The following XG variants were observed in gnomAD, a reference collection of about 807,000 sequenced individuals.
XG encodes the protein Xg glycoprotein (Xg blood group).
XG carries 24 observed loss-of-function variants against 25.7 expected under a neutral mutation model. The ratio of observed to expected loss-of-function variants is 0.93; its 90% CI spans 0.68 to 1.31. XG has a LOEUF of 1.31. XG is among the 40% of genes most tolerant of loss of function. The pLI, the probability that XG is intolerant of heterozygous loss-of-function variation, is 0.00. For missense variants in XG, 181 were observed against 187.6 expected (o/e 0.96, Z 0.21); for synonymous variants, 77 against 69.2 (o/e 1.11, Z -0.56).
At chrX:2,755,316 G>C (rs2050410774) in intron 1 of XG, among the ~76,000 whole-genome samples, 1 of 152,176 alleles carries the variant, frequency 6.6e-6, no homozygotes, top group African/African-American at 2.4e-5. Flanking sequence ...AGCAAGGCTT[G>C]GATTATTCAT....
At chrX:2,786,258 G>GTGTTTTTTTTT (rs1569039363) in intron 4 of XG, among the ~76,000 whole-genome samples, 1 of 26,267 alleles carries the variant, frequency 3.8e-5, no homozygotes, top group Non-Finnish European at 8.6e-5. Context: ...TATCCATGTT[G>GTGTTTTTTTTT]TCTTTTTTTT....
intron 5 of XG, among the ~76,000 whole-genome samples, chrX:2,791,605 C>T (rs1287123988): frequency 9.1e-6 from 1 of 109,476 alleles, no homozygotes; most frequent in African/African-American, 3.3e-5. Context: ...CTCCATACTG[C>T]TTGATATGTT....
At chrX:2,756,723 G>T (rs2050443280) in intron 1 of XG, among the ~76,000 whole-genome samples, 1 of 152,176 alleles carries the variant, frequency 6.6e-6, no homozygotes. Flanking sequence ...CACAGGATGT[G>T]CAACAGGGGT....
chrX:2,809,752 C>T (rs2087036563), intron 9 of XG, among the ~76,000 whole-genome samples: 1 of 111,858 alleles, frequency 8.9e-6, no homozygotes, highest in African/African-American at 3.3e-5. Context: ...GACCATGTTT[C>T]CTGGGTCTTC....
At chrX:2,776,806 C>T (rs1373442549) in intron 3 of XG, among the ~76,000 whole-genome samples, 1 of 152,158 alleles carries the variant, frequency 6.6e-6, no homozygotes, top group Non-Finnish European at 1.5e-5. Flanking sequence ...CGAGATCTCC[C>T]ACTGCACTCC....
intron 7 of XG, among the ~76,000 whole-genome samples, chrX:2,801,942 CGT>C (rs1569044867): frequency 2.7e-5 from 3 of 110,736 alleles, no homozygotes; most frequent in African/African-American, 9.9e-5. Context: ...CTCCTGACCT[CGT>C]GATCCGCCCG....
intron 7 of XG, among the ~76,000 whole-genome samples, chrX:2,798,089 A>G (rs919966484): frequency 1.8e-5 from 2 of 109,796 alleles, no homozygotes; most frequent in African/African-American, 3.3e-5. Context: ...AAGCAAGAGA[A>G]CTCTTTTGGT....
Position 2,756,260 on chromosome X carries a change from C to T in XG, c.61+3925C>T, listed in dbSNP as rs774632978. Among the ~76,000 whole-genome samples, 563 of 152,156 alleles carry T rather than the reference C, an allele frequency of 3.7e-3. 1 individual carries two copies. Among genetic ancestry groups the T allele is most frequent in the Non-Finnish European group, 5.5e-3 (374 of 68,010 alleles). The stretch of plus-strand genomic sequence containing the variant: ...CACGAGACAAAATCAGGTCTTCTAA[C>T]AGCTGAGAAGAAGCTGAGAACCAGA... On this transcript the variant is annotated intron_variant, in intron 1 of 10. Coordinates refer to ENST00000644266, the MANE Select transcript of XG (RefSeq NM_001141919.2).
intron 7 of XG, among the ~76,000 whole-genome samples, chrX:2,801,900 G>C (rs1331412321): frequency 9.1e-6 from 1 of 109,627 alleles, no homozygotes; most frequent in Non-Finnish European, 1.9e-5. Flanking sequence ...GTAGAGACGG[G>C]GTTTCACCGT....
At chrX:2,761,908 G>A (rs311121) in intron 1 of XG, among the ~76,000 whole-genome samples, 1 of 152,168 alleles carries the variant, frequency 6.6e-6, no homozygotes, top group East Asian at 1.9e-4. Context: ...CTTTGGGATT[G>A]CATTGTAACA....
At chrX:2,790,431 C>T (rs755809824) in intron 5 of XG, among the ~76,000 whole-genome samples, 24 of 104,541 alleles carry the variant, frequency 2.3e-4, no homozygotes, top group African/African-American at 8.1e-4. Flanking sequence ...ACCCGCAAAG[C>T]GGAGGCTGCT....
chrX:2,774,377 CCTT>C (rs1214258937), intron 2 of XG, among the ~76,000 whole-genome samples: 1 of 150,684 alleles, frequency 6.6e-6, no homozygotes, highest in African/African-American at 2.5e-5. Flanking sequence ...AAGTCTTTCT[CCTT>C]CTTTTCTTTT....
intron 2 of XG, among the ~76,000 whole-genome samples, chrX:2,770,869 G>A (rs1325598957): frequency 2.6e-5 from 4 of 151,872 alleles, no homozygotes; most frequent in African/African-American, 9.7e-5. Context: ...TGTTGAGATG[G>A]GAGTCTCGTT....
At position 2,814,745 on chromosome X, in the gene XG, A is replaced by T. The variant is rs1421407023; in HGVS notation, c.*365A>T. 1 of 150,081 alleles carries T rather than the reference A, an allele frequency of 6.7e-6. No individual in the cohort carries two copies. Among genetic ancestry groups the T allele is most frequent in the Non-Finnish European group, 1.3e-5 (1 of 78,995 alleles). The allele number at this position is 150,081 out of a possible 1,213,427, so 12.4% of individuals were successfully genotyped here. A position where few individuals can be genotyped will look rare whatever the true frequency, so the allele number is the denominator to read the frequency against. ...TGGCACAAAGCGGTGAGCAGTAGGG[A>T]GGTAGAATATCTTGGTGGGGAGGGG... On this transcript the variant is annotated 3_prime_UTR_variant, in exon 11 of 11. Transcript: ENST00000644266.
chrX:2,755,313 C>G (rs778073378), intron 1 of XG, among the ~76,000 whole-genome samples: 1 of 152,276 alleles, frequency 6.6e-6, no homozygotes, highest in African/African-American at 2.4e-5. Flanking sequence ...CTAAGCAAGG[C>G]TTGGATTATT....
At chrX:2,768,496 G>A (rs1304022543) in intron 1 of XG, among the ~76,000 whole-genome samples, 12 of 152,186 alleles carry the variant, frequency 7.9e-5, no homozygotes, top group Non-Finnish European at 1.6e-4. Context: ...GGCCAGGTGC[G>A]GTGGCTCACG....
chrX:2,805,760 G>A (rs1280678175), intron 7 of XG, among the ~76,000 whole-genome samples: 3 of 111,537 alleles, frequency 2.7e-5, no homozygotes, highest in Non-Finnish European at 3.8e-5. Context: ...AAGGTCTGTA[G>A]TCCTATTGGA....
At chrX:2,783,911 G>C (rs1012221448) in intron 4 of XG, among the ~76,000 whole-genome samples, 1 of 112,115 alleles carries the variant, frequency 8.9e-6, no homozygotes, top group Admixed American at 9.4e-5. Context: ...GGAGAGGAAG[G>C]TTACAGTGAG....
intron 3 of XG, among the ~76,000 whole-genome samples, chrX:2,776,841 C>G (rs2051009271): frequency 7.0e-6 from 1 of 143,316 alleles, no homozygotes; most frequent in African/African-American, 2.9e-5. Context: ...AGCGAGACTC[C>G]GTCTCAACAA....
Sources: gnomAD v4.1 joint callset for allele counts (sites outside exome capture counted in the v4.1 genomes callset) on GRCh38, gnomAD v4.1.1 for gene constraint, MANE v1.5 for transcripts, NCBI Gene and HGNC (gene_info 2026-07-23, HGNC 2026-07-21) for gene names.